Variants in ADAMTS6 observed in about 807,000 individuals in gnomAD.
ADAMTS6 encodes the protein A disintegrin and metalloproteinase with thrombospondin motifs 6.
In ADAMTS6, 23 loss-of-function variants were observed where a neutral mutation model predicts 144.3. That is an observed-to-expected ratio of 0.16 (90% confidence interval 0.11 to 0.23). The LOEUF (loss-of-function observed/expected upper bound fraction) is 0.23. Ranked by LOEUF, ADAMTS6 falls within the 10% of genes least tolerant of loss-of-function variation. The pLI is 1.00. For missense variants in ADAMTS6, 999 were observed against 1,379.6 expected (o/e 0.72, Z 4.37); for synonymous variants, 444 against 457.5 (o/e 0.97, Z 0.38).
intron 11 of ADAMTS6, among the ~76,000 whole-genome samples, chr5:65,286,811 T>C (rs1371790337): frequency 6.6e-6 from 1 of 152,180 alleles, no homozygotes; most frequent in Non-Finnish European, 1.5e-5. Context: ...AGCCCCTACA[T>C]TATATAGGCT....
At chr5:65,448,467 CTT>C (rs34477699) in intron 7 of ADAMTS6, among the ~76,000 whole-genome samples, 81 of 146,766 alleles carry the variant, frequency 5.5e-4, no homozygotes, top group Middle Eastern at 3.4e-3. Flanking sequence ...CTCTGGCATT[CTT>C]TTTTTTTTTT....
intron 22 of ADAMTS6, among the ~76,000 whole-genome samples, chr5:65,185,503 T>C (rs542140911): frequency 9.0e-4 from 137 of 152,352 alleles, no homozygotes; most frequent in African/African-American, 3.1e-3. Flanking sequence ...GCAGCTCCCT[T>C]GGACAATGCT....
In ADAMTS6 at chr5:65,170,715, G is replaced by C. The variant is rs2112071153; in HGVS notation, c.3146C>G (p.Thr1049Ser). 1 of 1,614,162 alleles carries C rather than the reference G, an allele frequency of 6.2e-7. No individual in the cohort carries two copies. ...TAGACAGTCACTAGATGCCTGTCCG[G>C]TGTAGGAGAGACACTGCACAGTTCT... ...QMRTVQCLSY[T>S]GQASSDCLET... The change falls in exon 24 of 25, where the codon ACC becomes AGC. Residue 1049 changes from threonine to serine, a missense_variant. Physicochemically the swap from Thr to Ser is moderately conservative, Grantham distance 58. Transcript: ENST00000381055.
At chr5:65,395,141 T>C (rs1251122946) in intron 7 of ADAMTS6, among the ~76,000 whole-genome samples, 1 of 152,124 alleles carries the variant, frequency 6.6e-6, no homozygotes, top group African/African-American at 2.4e-5. Flanking sequence ...TCACTGACCA[T>C]GTGACACAGA....
rs150384863 is a variant in ADAMTS6, at chr5:65,245,905, C to A, written c.1831-3699G>T. ...TGGCCTGAGAGGTACAATTTGTCAA[C>A]CCCGGTATAGGGTGTTAACATAATA... On this transcript the variant is annotated intron_variant, in intron 14 of 24. Coordinates refer to ENST00000381055, the MANE Select transcript of ADAMTS6 (RefSeq NM_197941.4). Among the ~76,000 whole-genome samples, 699 of 152,202 alleles carry A rather than the reference C, an allele frequency of 4.6e-3. 9 individuals carry two copies. The highest frequency in any genetic ancestry group is 0.016 in the African/African-American group (679 of 41,514).
intron 22 of ADAMTS6, among the ~76,000 whole-genome samples, chr5:65,181,788 T>C (rs995299223): frequency 1.3e-5 from 2 of 152,210 alleles, no homozygotes; most frequent in African/African-American, 4.8e-5. Flanking sequence ...CAAAAACATA[T>C]AGGATGTATA....
intron 9 of ADAMTS6, among the ~76,000 whole-genome samples, chr5:65,302,092 C>CAA (rs1182825165): frequency 0.033 from 652 of 19,926 alleles, 28 homozygotes; most frequent in East Asian, 0.17. Flanking sequence ...GCTCTGTCTC[C>CAA]AAAAAAAAAA....
chr5:65,263,750 C>A (rs949823232), intron 12 of ADAMTS6, among the ~76,000 whole-genome samples: 1 of 152,114 alleles, frequency 6.6e-6, no homozygotes, highest in Non-Finnish European at 1.5e-5. Context: ...AAATGAAAGT[C>A]TTTTTTAAAC....
chr5:65,261,152 T>TAAA (rs1315461457), intron 13 of ADAMTS6, among the ~76,000 whole-genome samples: 28 of 152,218 alleles, frequency 1.8e-4, no homozygotes, highest in African/African-American at 6.7e-4. Context: ...TCATTCAAAG[T>TAAA]GAATAATGCA....
Position 65,170,705 on chromosome 5 carries a change from T to C in ADAMTS6, c.3156A>G (p.Ala1052=), listed in dbSNP as rs1231619354. The change falls in exon 24 of 25, where the codon GCA becomes GCG. Residue 1052 remains alanine, a synonymous_variant. Transcript: ENST00000381055. ...GAACAGTTTCTAGACAGTCACTAGA[T>C]GCCTGTCCGGTGTAGGAGAGACACT... The part of the protein sequence containing the change: ...TVQCLSYTGQ[A]SSDCLETVRP... 1 of 1,614,194 alleles carries C rather than the reference T, an allele frequency of 6.2e-7. No homozygotes were observed. Among genetic ancestry groups the C allele is most frequent in the Non-Finnish European group, 8.5e-7 (1 of 1,180,026 alleles).
chr5:65,289,464 T>C (rs1193142917), intron 11 of ADAMTS6, among the ~76,000 whole-genome samples: 2 of 152,134 alleles, frequency 1.3e-5, no homozygotes, highest in Non-Finnish European at 1.5e-5. Flanking sequence ...AGGTGGAGGT[T>C]GTAGTGAGCC....
intron 7 of ADAMTS6, among the ~76,000 whole-genome samples, chr5:65,423,643 T>C (rs1332521011): frequency 6.6e-6 from 1 of 152,150 alleles, no homozygotes; most frequent in Non-Finnish European, 1.5e-5. Flanking sequence ...TTCTTTTTTT[T>C]AATGCCAGTA....
At chr5:65,154,585 C>A (rs1390299700) in intron 24 of ADAMTS6, among the ~76,000 whole-genome samples, 1 of 152,172 alleles carries the variant, frequency 6.6e-6, no homozygotes, top group Non-Finnish European at 1.5e-5. Flanking sequence ...AATTCTGGCT[C>A]TGCCTCTTCT....
chr5:65,234,846 G>A (rs899161727), intron 15 of ADAMTS6, among the ~76,000 whole-genome samples: 11 of 152,172 alleles, frequency 7.2e-5, no homozygotes, highest in African/African-American at 2.4e-4. Flanking sequence ...GTCAAGATAT[G>A]GAAACAACCC....
intron 24 of ADAMTS6, among the ~76,000 whole-genome samples, chr5:65,164,266 T>A (rs1752995467): frequency 6.6e-6 from 1 of 151,596 alleles, no homozygotes; most frequent in Admixed American, 6.6e-5. Context: ...AAGAAAGGGG[T>A]GATGGACGCA....
chr5:65,367,447 T>C (rs1172266798), intron 7 of ADAMTS6, among the ~76,000 whole-genome samples: 1 of 152,212 alleles, frequency 6.6e-6, no homozygotes, highest in East Asian at 1.9e-4. Flanking sequence ...TTTCCCAAGA[T>C]ACAATTAAGT....
At chr5:65,393,123 C>T (rs1753060386) in intron 7 of ADAMTS6, among the ~76,000 whole-genome samples, 1 of 152,174 alleles carries the variant, frequency 6.6e-6, no homozygotes, top group Non-Finnish European at 1.5e-5. Context: ...TTTACCAAAA[C>T]TATCCTTTCT....
intron 9 of ADAMTS6, among the ~76,000 whole-genome samples, chr5:65,315,950 C>T (rs907601874): frequency 7.2e-5 from 11 of 152,118 alleles, no homozygotes; most frequent in African/African-American, 1.4e-4. Context: ...CTCGCTCTGT[C>T]GCCCAGGCTG....
intron 7 of ADAMTS6, among the ~76,000 whole-genome samples, chr5:65,399,908 T>C (rs1481845847): frequency 3.9e-5 from 6 of 152,214 alleles, no homozygotes; most frequent in African/African-American, 1.4e-4. Flanking sequence ...TTATTTTTCT[T>C]CTATCTTTTA....
Sources: allele counts gnomAD v4.1 joint callset (sites outside exome capture counted in the v4.1 genomes callset), GRCh38; gene constraint gnomAD v4.1.1; transcripts MANE v1.5; gene names NCBI Gene and HGNC (gene_info 2026-07-23, HGNC 2026-07-21).